Variants in TMEM87B observed in about 807,000 individuals in gnomAD.
TMEM87B encodes the protein transmembrane protein 87B.
TMEM87B carries 83 observed loss-of-function variants against 80.3 expected under a neutral mutation model. That is an observed-to-expected ratio of 1.03 (90% CI 0.87 to 1.24). TMEM87B has a LOEUF of 1.24. Ranked by LOEUF, TMEM87B falls within the 50% of genes most tolerant of loss-of-function variation. TMEM87B has a pLI of 0.00. For missense variants in TMEM87B, 625 were observed against 674.4 expected (o/e 0.93, Z 0.81); for synonymous variants, 219 against 230.5 (o/e 0.95, Z 0.45).
chr2:112,112,851 G>C, intron 17 of TMEM87B, 48 bp from the exon 18 acceptor site: 1 of 1,582,338 alleles, frequency 6.3e-7, no homozygotes, highest in Non-Finnish European at 8.7e-7. Context: ...TGGATACACT[G>C]GCCTTACTGT....
At chr2:112,095,119 T>G in intron 11 of TMEM87B, 4 of 923,578 alleles carry the variant, frequency 4.3e-6, no homozygotes, top group Non-Finnish European at 5.2e-6. Flanking sequence ...TCCTCCCCTT[T>G]TTTTCTTCTT....
At chr2:112,109,954 C>T (rs1200927501) in intron 17 of TMEM87B, among the ~76,000 whole-genome samples, 8 of 151,666 alleles carry the variant, frequency 5.3e-5, no homozygotes, top group Admixed American at 5.3e-4. Flanking sequence ...TTAGTAGAGA[C>T]GGGGTTTCAC....
chr2:112,110,842 G>A (rs575318476), intron 17 of TMEM87B, among the ~76,000 whole-genome samples: 1 of 152,114 alleles, frequency 6.6e-6, no homozygotes, highest in East Asian at 1.9e-4. Flanking sequence ...GATCGTTCAA[G>A]GGTGCTGCTT....
intron 5 of TMEM87B, among the ~76,000 whole-genome samples, chr2:112,075,330 G>T (rs997523649): frequency 6.6e-6 from 1 of 152,160 alleles, no homozygotes; most frequent in Non-Finnish European, 1.5e-5. Flanking sequence ...AACCTGGGAG[G>T]TGGAGGTTGC....
chr2:112,112,959 A>G, intron 18 of TMEM87B, 30 bp downstream of exon 18: 1 of 1,599,434 alleles, frequency 6.3e-7, no homozygotes, highest in African/African-American at 1.3e-5. Flanking sequence ...ATTTCCTTGG[A>G]GCTGATATTT....
chr2:112,066,658 T>G (rs1409981274), intron 3 of TMEM87B, among the ~76,000 whole-genome samples: 2 of 152,240 alleles, frequency 1.3e-5, no homozygotes, highest in Non-Finnish European at 2.9e-5. Context: ...CTGGGAACTA[T>G]TTCATTGTAG....
chr2:112,081,183 T>G, intron 7 of TMEM87B, 65 bp downstream of exon 7: 3 of 1,509,278 alleles, frequency 2.0e-6, no homozygotes, highest in Non-Finnish European at 2.7e-6. Flanking sequence ...AGCTTTGTGG[T>G]AGTAATTCCT....
At chr2:112,082,290 A>T (rs1028795887) in intron 8 of TMEM87B, among the ~76,000 whole-genome samples, 7 of 152,130 alleles carry the variant, frequency 4.6e-5, no homozygotes, top group Non-Finnish European at 8.8e-5. Context: ...CAAGGTCTTG[A>T]TCTGTTGCCC....
At position 112,067,011 on chromosome 2, in the gene TMEM87B, A is replaced by G; in HGVS notation, c.394A>G (p.Thr132Ala). Residue 132 changes from threonine (T) to alanine (A), a missense_variant, in exon 4 of 19, where the codon ACA becomes GCA. Transcript: ENST00000283206. The stretch of plus-strand genomic sequence containing the variant: ...TTTGAAGAATGACAACTGTTGGACA[A>G]CAAAAAATGAAAACTTAGATTGCAA... Reference protein sequence around the residue: ...HYLKNDNCWTTKNENLDCNSD... With the variant: ...HYLKNDNCWTAKNENLDCNSD... 1 of 1,612,254 alleles carries G rather than the reference A, an allele frequency of 6.2e-7. No individual in the cohort carries two copies. The highest frequency in any genetic ancestry group is 8.5e-7 in the Non-Finnish European group (1 of 1,179,552).
chr2:112,055,541 G>T lies in TMEM87B; in HGVS notation c.-51G>T. 6.9e-7 allele frequency: 1 copy of T among 1,454,352 alleles called. No individual in the cohort carries two copies. Among genetic ancestry groups the T allele is most frequent in the Non-Finnish European group, 9.0e-7 (1 of 1,107,142 alleles). The allele number at this position is 1,454,352 out of a possible 1,614,324, so 90.1% of individuals were successfully genotyped here. A position where few individuals can be genotyped will look rare whatever the true frequency, so the allele number is the denominator to read the frequency against. Reference sequence around the variant, plus strand: ...CCTGCCTGGGGCGGTGCTGCACCAGGTGCGGGTGTGGCAGGCGTCTCGGAG... The same window carrying T: ...CCTGCCTGGGGCGGTGCTGCACCAGTTGCGGGTGTGGCAGGCGTCTCGGAG... On this transcript the variant is annotated 5_prime_UTR_variant, in exon 1 of 19. Transcript: ENST00000283206.
At chr2:112,102,145 A>T (rs1385587662) in intron 15 of TMEM87B, among the ~76,000 whole-genome samples, 1 of 152,226 alleles carries the variant, frequency 6.6e-6, no homozygotes, top group African/African-American at 2.4e-5. Context: ...AGGTGGGAGT[A>T]CTTAAAAGGC....
At chr2:112,088,188 G>T (rs1250357764) in intron 9 of TMEM87B, among the ~76,000 whole-genome samples, 2 of 152,196 alleles carry the variant, frequency 1.3e-5, no homozygotes, top group Non-Finnish European at 2.9e-5. Context: ...TTTCTCAAAT[G>T]CCTTTTGTGT....
chr2:112,064,141 A>G, intron 2 of TMEM87B, 21 bp from the exon 3 acceptor site: 1 of 1,603,332 alleles, frequency 6.2e-7, no homozygotes, highest in Admixed American at 1.7e-5. Context: ...ATGTAAAACA[A>G]GACTTTCTTT....
chr2:112,117,377 A>G lies in TMEM87B; in HGVS notation c.*1234A>G, dbSNP rs1680052225. The G allele has an allele frequency of 6.6e-6, 1 of 152,246 alleles. No homozygotes were observed. The highest frequency in any genetic ancestry group is 2.4e-5 in the African/African-American group (1 of 41,470). The allele number at this position is 152,246 out of a possible 1,614,324, so 9.4% of individuals were successfully genotyped here. On this transcript the variant is annotated 3_prime_UTR_variant, in exon 19 of 19. Coordinates refer to ENST00000283206, the MANE Select transcript of TMEM87B (RefSeq NM_032824.3). ...TTCAGAGAATTTTGATTAAGAAAAC[A>G]TTAAAATCTTAACCGGCACAAACAC...
At chr2:112,080,833 A>G (rs1018618468) in intron 6 of TMEM87B, among the ~76,000 whole-genome samples, 1 of 152,118 alleles carries the variant, frequency 6.6e-6, no homozygotes, top group South Asian at 2.1e-4. Flanking sequence ...TGTTCTCCCT[A>G]TGTTTTCTTC....
At chr2:112,078,862 G>A (rs796200752) in intron 6 of TMEM87B, among the ~76,000 whole-genome samples, 13 of 152,326 alleles carry the variant, frequency 8.5e-5, no homozygotes, top group African/African-American at 3.1e-4. Context: ...AAATTAGCAA[G>A]GGGGCCAGTC....
chr2:112,059,227 C>A (rs1224253904), intron 1 of TMEM87B, among the ~76,000 whole-genome samples: 2 of 151,788 alleles, frequency 1.3e-5, no homozygotes, highest in Non-Finnish European at 2.9e-5. Flanking sequence ...ATTTTTATTC[C>A]TGAGAAGACA....
At chr2:112,097,778 A>C (rs1038292360) in intron 13 of TMEM87B, among the ~76,000 whole-genome samples, 1 of 151,772 alleles carries the variant, frequency 6.6e-6, no homozygotes, top group Admixed American at 6.6e-5. Context: ...GTTCCTCCGA[A>C]ATCTCCTTTT....
chr2:112,110,429 C>T (rs754420002), intron 17 of TMEM87B, among the ~76,000 whole-genome samples: 1 of 151,946 alleles, frequency 6.6e-6, no homozygotes, highest in Non-Finnish European at 1.5e-5. Flanking sequence ...TTTAATATTG[C>T]CAAATGTTCT....
Sources: allele counts gnomAD v4.1 joint callset (sites outside exome capture counted in the v4.1 genomes callset), GRCh38; gene constraint gnomAD v4.1.1; transcripts MANE v1.5; gene names NCBI Gene and HGNC (gene_info 2026-07-23, HGNC 2026-07-21).